SPMAP1: variants seen among roughly 807,000 people sequenced by gnomAD.
SPMAP1 encodes the protein uncharacterized protein C17orf98.
At chr17:38,839,696 A>T in the SPMAP1 span, among the ~76,000 whole-genome samples, 1 of 151,632 alleles carries the variant, frequency 6.6e-6, no homozygotes, top group African/African-American at 2.4e-5. Context: ...GCTACTTGGG[A>T]GGCTGAAGCA....
At chr17:38,840,812 C>G in the SPMAP1 span, among the ~76,000 whole-genome samples, 1 of 150,488 alleles carries the variant, frequency 6.6e-6, no homozygotes. Flanking sequence ...ATTACAGGCT[C>G]ACACCTGTAA....
the SPMAP1 span, among the ~76,000 whole-genome samples, chr17:38,836,798 G>A: frequency 4.6e-5 from 7 of 151,762 alleles, no homozygotes; most frequent in African/African-American, 1.7e-4. Flanking sequence ...GTTCAACCAG[G>A]TTGGCCAGGC....
the SPMAP1 span, chr17:38,841,123 T>C: frequency 7.6e-7 from 1 of 1,323,008 alleles, no homozygotes; most frequent in Non-Finnish European, 1.1e-6. Flanking sequence ...TTCTTTGTGG[T>C]GAGAACGCTG....
chr17:38,841,185 G>C, the SPMAP1 span: 31 of 1,613,232 alleles, frequency 1.9e-5, no homozygotes, highest in Admixed American at 5.0e-4. Flanking sequence ...TCCTATACCT[G>C]ATCAGTTTTC....
the SPMAP1 span, chr17:38,837,088 C>A: frequency 1.0e-5 from 13 of 1,268,238 alleles, no homozygotes; most frequent in Admixed American, 3.4e-5. Context: ...CTCAACCAGG[C>A]CTTGCTATGG....
At chr17:38,838,134 C>T in the SPMAP1 span, among the ~76,000 whole-genome samples, 2,992 of 152,082 alleles carry the variant, frequency 0.02, 100 homozygotes, top group African/African-American at 0.068. Context: ...CCACCCGCCT[C>T]GGCCTCCCAA....
chr17:38,837,582 G>A, the SPMAP1 span, among the ~76,000 whole-genome samples: 2 of 151,718 alleles, frequency 1.3e-5, no homozygotes, highest in African/African-American at 4.8e-5. Flanking sequence ...GGAGGCTGAG[G>A]CGGTACAATT....
At chr17:38,835,362 A>G in the SPMAP1 span, 1 of 1,613,754 alleles carries the variant, frequency 6.2e-7, no homozygotes, top group Non-Finnish European at 8.5e-7. Context: ...GGACAAGGAG[A>G]GAGAGGCCTG....
chr17:38,837,010 C>T, the SPMAP1 span: 1 of 699,832 alleles, frequency 1.4e-6, no homozygotes, highest in Non-Finnish European at 2.6e-6. Context: ...TATTAGGGGG[C>T]ACTGTGGCAC....
chr17:38,840,495 C>A, the SPMAP1 span, among the ~76,000 whole-genome samples: 2 of 151,946 alleles, frequency 1.3e-5, no homozygotes, highest in African/African-American at 4.8e-5. Flanking sequence ...CGCTCAACAC[C>A]TGTCCTCCCT....
At chr17:38,841,323 T>C in the SPMAP1 span, 1 of 1,614,188 alleles carries the variant, frequency 6.2e-7, no homozygotes, top group Admixed American at 1.7e-5. Flanking sequence ...GCAGCGGTGC[T>C]CACAGCCACC....
At chr17:38,837,134 C>T in the SPMAP1 span, 7 of 1,593,808 alleles carry the variant, frequency 4.4e-6, no homozygotes, top group East Asian at 2.2e-5. Context: ...ATGGAGGCAG[C>T]ACTTGCCTGT....
chr17:38,837,435 G>C, the SPMAP1 span, among the ~76,000 whole-genome samples: 1 of 152,154 alleles, frequency 6.6e-6, no homozygotes, highest in Non-Finnish European at 1.5e-5. Context: ...CCAGCACTTT[G>C]GAAGGCCAAG....
chr17:38,837,693 GA>G, the SPMAP1 span, among the ~76,000 whole-genome samples: 1 of 148,054 alleles, frequency 6.8e-6, no homozygotes, highest in Admixed American at 6.8e-5. Context: ...AAAAAAAAAA[GA>G]AAAAAAGAAA....
At chr17:38,841,228 G>A in the SPMAP1 span, 4 of 1,614,226 alleles carry the variant, frequency 2.5e-6, no homozygotes, top group Non-Finnish European at 3.4e-6. Flanking sequence ...GACTCTGGAA[G>A]TAGCTGCGGG....
At chr17:38,836,126 G>A in the SPMAP1 span, among the ~76,000 whole-genome samples, 2 of 151,956 alleles carry the variant, frequency 1.3e-5, no homozygotes, top group Non-Finnish European at 2.9e-5. Flanking sequence ...ATGTTAGCCA[G>A]GCTGGTCTCG....
At chr17:38,836,468 T>G in the SPMAP1 span, among the ~76,000 whole-genome samples, 1 of 151,698 alleles carries the variant, frequency 6.6e-6, no homozygotes, top group Admixed American at 6.6e-5. Flanking sequence ...AGTGTGGTGG[T>G]GCACACCTGT....
the SPMAP1 span, chr17:38,841,409 G>A: frequency 7.4e-6 from 12 of 1,612,104 alleles, no homozygotes; most frequent in East Asian, 2.7e-4. Flanking sequence ...CGTAGCCTCG[G>A]AGGGCCTTTC....
chr17:38,836,256 A>T, the SPMAP1 span, among the ~76,000 whole-genome samples: 1 of 151,968 alleles, frequency 6.6e-6, no homozygotes, highest in African/African-American at 2.4e-5. Flanking sequence ...CTCTTGCCAA[A>T]TTACTTTAAC....
Sources: allele counts gnomAD v4.1 joint callset (sites outside exome capture counted in the v4.1 genomes callset), GRCh38; gene constraint gnomAD v4.1.1; transcripts MANE v1.5; gene names NCBI Gene and HGNC (gene_info 2026-07-23, HGNC 2026-07-21).